Variants in AIM2 observed in about 807,000 individuals in gnomAD.
The protein encoded by AIM2 is absent in melanoma 2, also known as interferon-inducible protein AIM2.
Under a neutral mutation model 27.7 loss-of-function variants are expected in AIM2, and 30 were observed. The observed-to-expected ratio is 1.08, with a 90% CI of 0.81 to 1.47. AIM2 has a LOEUF of 1.47. AIM2 is among the 40% of genes most tolerant of loss of function. The probability of loss-of-function intolerance (pLI) is 0.00; values close to 1 mark genes in which losing one functional copy is unlikely to be tolerated. For synonymous variants in AIM2, 141 were observed against 145.3 expected, an observed-to-expected ratio of 0.97 and a Z score of 0.21; for missense variants, 358 against 411.3, an observed-to-expected ratio of 0.87 and a Z score of 1.12.
At chr1:159,106,509 GA>G (rs1159584499) in intron 1 of AIM2, among the ~76,000 whole-genome samples, 1 of 152,176 alleles carries the variant, frequency 6.6e-6, no homozygotes, top group Non-Finnish European at 1.5e-5. Context: ...ATGTGAGAAA[GA>G]AAAAATTTTT....
At position 159,066,335 on chromosome 1, in the gene AIM2, G is replaced by A; in HGVS notation, c.397-6C>T. On this transcript the variant is annotated splice_region_variant and splice_polypyrimidine_tract_variant and intron_variant, in intron 3 of 5. Coordinates refer to ENST00000368130, the MANE Select transcript of AIM2 (RefSeq NM_004833.3). ...ACCATCTGTTTCTGTTCAGGCTGAAGACAAGAGAAGAAAGATATCAGCTGT... is the reference window on the plus strand; with the variant it reads ...ACCATCTGTTTCTGTTCAGGCTGAAAACAAGAGAAGAAAGATATCAGCTGT... 6.2e-7 allele frequency: 1 copy of A among 1,600,520 alleles called. No homozygotes were observed. The highest frequency in any genetic ancestry group is 8.5e-7 in the Non-Finnish European group (1 of 1,174,690).
chr1:159,110,952 T>G (rs1368111339), intron 1 of AIM2, among the ~76,000 whole-genome samples: 1 of 152,096 alleles, frequency 6.6e-6, no homozygotes, highest in East Asian at 1.9e-4. Context: ...ATTTACCATC[T>G]AGGGAATTAT....
downstream of AIM2, among the ~76,000 whole-genome samples, chr1:159,061,358 T>C (rs1052829008): frequency 1.3e-4 from 20 of 152,280 alleles, no homozygotes; most frequent in African/African-American, 4.8e-4. Context: ...TCTGCAATTA[T>C]TGAATTTTGA....
intron 1 of AIM2, among the ~76,000 whole-genome samples, chr1:159,129,608 G>T (rs1647814281): frequency 6.6e-6 from 1 of 152,056 alleles, no homozygotes; most frequent in African/African-American, 2.4e-5. Context: ...AAAAAAACAG[G>T]ATAACAATAA....
At chr1:159,067,901 C>T (rs1656177308) in intron 3 of AIM2, among the ~76,000 whole-genome samples, 1 of 152,116 alleles carries the variant, frequency 6.6e-6, no homozygotes, top group African/African-American at 2.4e-5. Context: ...TAATCATTCT[C>T]ACCAATGACA....
At chr1:159,119,535 A>G (rs1268189079) in intron 1 of AIM2, among the ~76,000 whole-genome samples, 4 of 152,076 alleles carry the variant, frequency 2.6e-5, no homozygotes, top group Admixed American at 6.6e-5. Flanking sequence ...CAAGACCCCA[A>G]TTGTTCTCTA....
chr1:159,099,193 C>A (rs978563519), intron 1 of AIM2, among the ~76,000 whole-genome samples: 1 of 152,048 alleles, frequency 6.6e-6, no homozygotes, highest in African/African-American at 2.4e-5. Context: ...GACTAATACA[C>A]ACTGAGAAAA....
intron 1 of AIM2, among the ~76,000 whole-genome samples, chr1:159,128,081 C>A (rs915342674): frequency 3.9e-5 from 6 of 152,170 alleles, no homozygotes; most frequent in Non-Finnish European, 5.9e-5. Context: ...GAACACATGC[C>A]TCTGGAGAGT....
chr1:159,125,491 T>C (rs1321520252), intron 1 of AIM2, among the ~76,000 whole-genome samples: 1 of 152,192 alleles, frequency 6.6e-6, no homozygotes, highest in Non-Finnish European at 1.5e-5. Flanking sequence ...GGTAAGTCAC[T>C]TGTTAAGCGC....
In AIM2 at chr1:159,062,578, C is replaced by A; in HGVS notation, c.*114G>T. 2 of 936,244 alleles carry A rather than the reference C, an allele frequency of 2.1e-6. No individual in the cohort carries two copies. Among genetic ancestry groups the A allele is most frequent in the Admixed American group, 4.3e-5 (2 of 46,890 alleles). 58.0% of individuals were successfully genotyped at this position (936,244 alleles called of 1,614,324 possible). A position where few individuals can be genotyped will look rare whatever the true frequency, so the allele number is the denominator to read the frequency against. On this transcript the variant is annotated 3_prime_UTR_variant, in exon 6 of 6. Coordinates refer to ENST00000368130, the MANE Select transcript of AIM2 (RefSeq NM_004833.3). ...TATCCTAATTTGGTGGAGAGAGGAG[C>A]CTGTGAACTGCAGCTTTCAGGTAAC...
intron 1 of AIM2, among the ~76,000 whole-genome samples, chr1:159,111,557 A>G (rs962781947): frequency 6.6e-6 from 1 of 152,328 alleles, no homozygotes; most frequent in African/African-American, 2.4e-5. Context: ...TAAGAAAATG[A>G]CTTGTCCCCA....
intron 1 of AIM2, among the ~76,000 whole-genome samples, chr1:159,083,480 T>A (rs1031173817): frequency 1.3e-5 from 2 of 152,206 alleles, no homozygotes; most frequent in African/African-American, 2.4e-5. Flanking sequence ...CCTTGTAATA[T>A]TATTGAATTT....
At chr1:159,110,927 G>C (rs1657559367) in intron 1 of AIM2, among the ~76,000 whole-genome samples, 1 of 152,092 alleles carries the variant, frequency 6.6e-6, no homozygotes, top group African/African-American at 2.4e-5. Flanking sequence ...TGGGACTCTT[G>C]CAACATCACA....
At chr1:159,058,703 T>A (rs760219465), downstream of AIM2, among the ~76,000 whole-genome samples, 16 of 152,118 alleles carry the variant, frequency 1.1e-4, no homozygotes, top group Admixed American at 2.6e-4. Flanking sequence ...CGAGCCCCAT[T>A]TTGGGCACCA....
chr1:159,071,644 G>C (rs1360780764), intron 2 of AIM2, among the ~76,000 whole-genome samples: 1 of 152,168 alleles, frequency 6.6e-6, no homozygotes. Context: ...CAAGTAGCTG[G>C]CATTACAGAT....
chr1:159,128,872 T>C (rs1182803278), intron 1 of AIM2, among the ~76,000 whole-genome samples: 1 of 152,222 alleles, frequency 6.6e-6, no homozygotes, highest in African/African-American at 2.4e-5. Context: ...CCCTCTACAT[T>C]GGGACACATT....
intron 1 of AIM2, among the ~76,000 whole-genome samples, chr1:159,129,464 A>G (rs1433360307): frequency 1.3e-5 from 2 of 152,162 alleles, no homozygotes; most frequent in Non-Finnish European, 1.5e-5. Context: ...CAGGTTGTGA[A>G]CCCAACAATA....
the AIM2 span, among the ~76,000 whole-genome samples, chr1:159,056,418 AATAAGG>A: frequency 1.3e-5 from 2 of 152,088 alleles, no homozygotes; most frequent in Non-Finnish European, 1.5e-5. Context: ...CTGCCATTAG[AATAAGG>A]ATAAGGATAA....
chr1:159,115,711 C>T (rs1354106835), intron 1 of AIM2, among the ~76,000 whole-genome samples: 2 of 152,178 alleles, frequency 1.3e-5, no homozygotes, highest in East Asian at 3.8e-4. Flanking sequence ...AAATGTTAGA[C>T]CTAAAACCAT....
Sources: allele counts gnomAD v4.1 joint callset (sites outside exome capture counted in the v4.1 genomes callset), GRCh38; gene constraint gnomAD v4.1.1; transcripts MANE v1.5; gene names NCBI Gene and HGNC (gene_info 2026-07-23, HGNC 2026-07-21).